Variants in DGKI observed in about 807,000 individuals in gnomAD.
DGKI encodes DAG kinase iota.
Under a neutral mutation model 147.5 loss-of-function variants are expected in DGKI, and 55 were observed. The ratio of observed to expected loss-of-function variants is 0.37; its 90% confidence interval spans 0.30 to 0.47. The LOEUF is 0.47. Among genes scored for constraint, DGKI ranks in the 20% least tolerant of loss-of-function variants. DGKI has a pLI of 1.00. For missense variants in DGKI, 1,007 were observed against 1,323.8 expected (o/e 0.76, Z 3.71); for synonymous variants, 469 against 477.1 (o/e 0.98, Z 0.22).
intron 1 of DGKI, among the ~76,000 whole-genome samples, chr7:137,777,237 C>T (rs1796389027): frequency 1.3e-5 from 2 of 151,964 alleles, no homozygotes; most frequent in Admixed American, 6.6e-5. Context: ...AGTATATATG[C>T]ATGGTAGTAA....
rs10233812 is a variant in DGKI, at chr7:137,844,438, G to A, written c.401+2024C>T. The stretch of plus-strand genomic sequence containing the variant: ...TCTGCATAAACATCGCCTGAGGAGC[G>A]TGTTAAAAATTCTCACCCACAGACA... On this transcript the variant is annotated intron_variant, in intron 1 of 32. Coordinates refer to ENST00000614521, the MANE Select transcript of DGKI (RefSeq NM_001321708.2). Among the ~76,000 whole-genome samples the A allele has an allele frequency of 5.5e-3, 832 of 152,236 alleles. 12 individuals carry two copies. The highest frequency in any genetic ancestry group is 0.019 in the African/African-American group (781 of 41,532).
chr7:137,556,291 C>G (rs1818221494), intron 19 of DGKI, among the ~76,000 whole-genome samples: 1 of 150,732 alleles, frequency 6.6e-6, no homozygotes, highest in Non-Finnish European at 1.5e-5. Context: ...AATTTAGAAG[C>G]ATTCCTTTCA....
At chr7:137,612,742 C>T (rs1439422226) in intron 8 of DGKI, among the ~76,000 whole-genome samples, 1 of 152,012 alleles carries the variant, frequency 6.6e-6, no homozygotes, top group Non-Finnish European at 1.5e-5. Flanking sequence ...TGCAAGAAAC[C>T]TGTAACACTT....
At chr7:137,811,142 G>T (rs181674612) in intron 1 of DGKI, among the ~76,000 whole-genome samples, 2 of 152,210 alleles carry the variant, frequency 1.3e-5, no homozygotes, top group East Asian at 3.9e-4. Context: ...AAGAGGGATG[G>T]TTCTGTAATA....
chr7:137,498,394 T>C (rs1054791920), intron 21 of DGKI, among the ~76,000 whole-genome samples: 1 of 151,878 alleles, frequency 6.6e-6, no homozygotes, highest in African/African-American at 2.4e-5. Context: ...AAAAACAAAA[T>C]GAAGAATATT....
chr7:137,575,940 A>G (rs987854883), intron 17 of DGKI, among the ~76,000 whole-genome samples: 2 of 149,968 alleles, frequency 1.3e-5, no homozygotes, highest in Non-Finnish European at 3.0e-5. Flanking sequence ...CATGCTCCTT[A>G]TATTTCTTCA....
intron 6 of DGKI, among the ~76,000 whole-genome samples, chr7:137,638,502 G>GTA (rs1201118427): frequency 4.9e-5 from 5 of 101,818 alleles, no homozygotes; most frequent in Admixed American, 9.4e-5. Context: ...ACATATATAT[G>GTA]TATATATATG....
At chr7:137,760,453 C>T (rs1003175556) in intron 1 of DGKI, among the ~76,000 whole-genome samples, 2 of 152,192 alleles carry the variant, frequency 1.3e-5, no homozygotes, top group African/African-American at 2.4e-5. Context: ...GCCCCATCTT[C>T]GTCCCCTTCT....
intron 17 of DGKI, among the ~76,000 whole-genome samples, chr7:137,573,786 C>A (rs1818874335): frequency 6.6e-6 from 1 of 152,236 alleles, no homozygotes; most frequent in African/African-American, 2.4e-5. Flanking sequence ...AGCTTGGCCT[C>A]AACAACCCTC....
chr7:137,444,145 T>G (rs1327706229), intron 27 of DGKI, 43 bp from the exon 28 acceptor site: 2 of 1,145,396 alleles, frequency 1.7e-6, no homozygotes, highest in Non-Finnish European at 2.5e-6. Context: ...TATATGATAA[T>G]TATAATGATA....
At chr7:137,838,456 T>A (rs927925333) in intron 1 of DGKI, among the ~76,000 whole-genome samples, 1 of 152,194 alleles carries the variant, frequency 6.6e-6, no homozygotes, top group South Asian at 2.1e-4. Flanking sequence ...CACATAAGCT[T>A]ATGTAAAGCT....
intron 1 of DGKI, among the ~76,000 whole-genome samples, chr7:137,696,277 C>T (rs568256074): frequency 2.0e-5 from 3 of 152,166 alleles, no homozygotes; most frequent in Admixed American, 1.3e-4. Flanking sequence ...ATTCTTCTTC[C>T]CTGCCTAACC....
At chr7:137,664,029 A>G (rs1288879977) in intron 3 of DGKI, among the ~76,000 whole-genome samples, 1 of 152,150 alleles carries the variant, frequency 6.6e-6, no homozygotes, top group African/African-American at 2.4e-5. Flanking sequence ...AAGCAACAGT[A>G]ATGAGGTGCC....
intron 1 of DGKI, among the ~76,000 whole-genome samples, chr7:137,840,289 A>T (rs1240983338): frequency 6.6e-6 from 1 of 152,232 alleles, no homozygotes; most frequent in East Asian, 1.9e-4. Context: ...CACCAAAGTC[A>T]ATCAGATGAG....
intron 1 of DGKI, among the ~76,000 whole-genome samples, chr7:137,717,246 G>A (rs568281404): frequency 2.0e-5 from 3 of 152,296 alleles, no homozygotes; most frequent in Non-Finnish European, 4.4e-5. Flanking sequence ...TGGGATGTGG[G>A]AGGGCCCATT....
chr7:137,424,368 T>C (rs1251623751), intron 28 of DGKI, among the ~76,000 whole-genome samples: 2 of 152,142 alleles, frequency 1.3e-5, no homozygotes, highest in Non-Finnish European at 2.9e-5. Context: ...TCATTCTTCA[T>C]AGGAATTCAT....
chr7:137,790,037 C>G (rs1256436895), intron 1 of DGKI, among the ~76,000 whole-genome samples: 2 of 152,162 alleles, frequency 1.3e-5, no homozygotes, highest in Admixed American at 1.3e-4. Flanking sequence ...TTGAAGACCA[C>G]ACAATCTCAG....
chr7:137,530,163 C>A (rs1817290556), intron 20 of DGKI, among the ~76,000 whole-genome samples: 1 of 152,186 alleles, frequency 6.6e-6, no homozygotes, highest in African/African-American at 2.4e-5. Context: ...AATATTGTTA[C>A]TTTCTCTTTT....
chr7:137,522,498 A>G (rs1176111381), intron 20 of DGKI, among the ~76,000 whole-genome samples: 1 of 152,140 alleles, frequency 6.6e-6, no homozygotes, highest in African/African-American at 2.4e-5. Flanking sequence ...CTCTCAGTCA[A>G]AGCATATTGC....
Sources: allele counts gnomAD v4.1 joint callset (sites outside exome capture counted in the v4.1 genomes callset), GRCh38; gene constraint gnomAD v4.1.1; transcripts MANE v1.5; gene names NCBI Gene and HGNC (gene_info 2026-07-23, HGNC 2026-07-21).